CHODL: variants seen among roughly 807,000 people sequenced by gnomAD.
The protein encoded by CHODL is chondrolectin.
Under a neutral mutation model 34.5 loss-of-function variants are expected in CHODL, and 29 were observed. That is an observed-to-expected ratio of 0.84 (90% CI 0.63 to 1.15). CHODL has a LOEUF of 1.15. Among genes scored for constraint, CHODL ranks in the 50% most tolerant of loss-of-function variants. CHODL has a pLI of 0.00. For missense variants in CHODL, 332 were observed against 332.5 expected, an observed-to-expected ratio of 1.00 and a Z score of 0.01; for synonymous variants, 125 against 116.1, an observed-to-expected ratio of 1.08 and a Z score of -0.49.
intron 2 of CHODL, among the ~76,000 whole-genome samples, chr21:18,110,594 C>G (rs1176137072): frequency 1.4e-5 from 2 of 145,278 alleles, no homozygotes; most frequent in East Asian, 4.3e-4. Flanking sequence ...CTGATGTCTG[C>G]CAGGCACCAT....
intron 2 of CHODL, among the ~76,000 whole-genome samples, chr21:18,139,465 C>T (rs1350310126): frequency 5.8e-5 from 8 of 138,694 alleles, no homozygotes; most frequent in Non-Finnish European, 8.8e-5. Flanking sequence ...TATTGAAATT[C>T]GAGGCATGAA....
intron 2 of CHODL, among the ~76,000 whole-genome samples, chr21:18,152,509 AT>A (rs2072982463): frequency 6.6e-6 from 1 of 152,166 alleles, no homozygotes. Flanking sequence ...AGTTGTTGGA[AT>A]AATTTTTTCT....
At chr21:17,941,038 AG>A (rs2063358816) in intron 1 of CHODL, among the ~76,000 whole-genome samples, 1 of 152,210 alleles carries the variant, frequency 6.6e-6, no homozygotes. Context: ...ATGCCTCAGT[AG>A]GAGTCTGGTA....
At chr21:18,030,660 T>C (rs1450474545) in intron 2 of CHODL, among the ~76,000 whole-genome samples, 1 of 152,138 alleles carries the variant, frequency 6.6e-6, no homozygotes, top group East Asian at 1.9e-4. Context: ...AAATTGTTAC[T>C]AGGAATAGAA....
chr21:18,096,914 C>A (rs1568884431), intron 2 of CHODL, among the ~76,000 whole-genome samples: 1 of 152,062 alleles, frequency 6.6e-6, no homozygotes, highest in South Asian at 2.1e-4. Context: ...CCCTCGGAGG[C>A]CCAGCTATAA....
At chr21:18,216,411 A>G (rs1240935655) in intron 2 of CHODL, among the ~76,000 whole-genome samples, 2 of 152,168 alleles carry the variant, frequency 1.3e-5, no homozygotes, top group Admixed American at 1.3e-4. Context: ...GTACCCATTA[A>G]CAAGCCTCTC....
intron 2 of CHODL, among the ~76,000 whole-genome samples, chr21:18,107,754 A>G (rs1174143912): frequency 2.6e-5 from 4 of 152,202 alleles, no homozygotes; most frequent in African/African-American, 9.7e-5. Context: ...CAGTAGCTAC[A>G]TTGCTTCCTG....
chr21:18,235,428 C>G (rs896210639), intron 2 of CHODL, among the ~76,000 whole-genome samples: 2 of 151,934 alleles, frequency 1.3e-5, no homozygotes, highest in Admixed American at 6.6e-5. Context: ...TTAGACAAAA[C>G]AATGTGTTGA....
chr21:17,938,709 A>ACCT (rs2063339445), intron 1 of CHODL, among the ~76,000 whole-genome samples: 1 of 151,822 alleles, frequency 6.6e-6, no homozygotes, highest in African/African-American at 2.4e-5. Context: ...CGATCTCCTG[A>ACCT]CCTCGTGATC....
At chr21:18,013,635 C>CTTTTTGTTTTTTTTTTTTTTTT (rs2064040926) in intron 1 of CHODL, among the ~76,000 whole-genome samples, 1 of 71,894 alleles carries the variant, frequency 1.4e-5, no homozygotes, top group Non-Finnish European at 2.5e-5. Context: ...GCTGCTGCTG[C>CTTTTTGTTTTTTTTTTTTTTTT]TTTTTTTTTT....
intron 2 of CHODL, among the ~76,000 whole-genome samples, chr21:18,188,841 C>T (rs142013608): frequency 1.5e-4 from 23 of 152,240 alleles, no homozygotes; most frequent in African/African-American, 4.8e-4. Context: ...CCGTAGTAAA[C>T]GATGTGCGTG....
At chr21:18,186,715 TAG>T (rs2073445347) in intron 2 of CHODL, among the ~76,000 whole-genome samples, 1 of 152,210 alleles carries the variant, frequency 6.6e-6, no homozygotes, top group Non-Finnish European at 1.5e-5. Context: ...TCATTTTGCT[TAG>T]AGTCATATTA....
Position 18,084,960 on chromosome 21 carries a change from T to TGTGTGTGTGA in CHODL, c.-45+56990_-45+56991insTGTGTGTGAG, listed in dbSNP as rs1479394907. 5.3e-5 allele frequency among the ~76,000 whole-genome samples: 8 copies of TGTGTGTGTGA among 150,828 alleles called. No individual in the cohort carries two copies. The East Asian group carries it at 1.4e-3, about 26-fold the overall frequency. The stretch of plus-strand genomic sequence containing the variant: ...GTGTGTGTGTGTGTGTGTGTGTGTG[T>TGTGTGTGTGA]GAATCTGAGTGCTCCAATGTTGGGT... On this transcript the variant is annotated intron_variant, in intron 2 of 6. Transcript: ENST00000400127.
At chr21:18,092,909 GT>G (rs2065091241) in intron 2 of CHODL, among the ~76,000 whole-genome samples, 1 of 152,154 alleles carries the variant, frequency 6.6e-6, no homozygotes, top group Non-Finnish European at 1.5e-5. Context: ...AAGAGATGGG[GT>G]GGGAAATTTA....
In CHODL at chr21:18,020,386, T is replaced by C. The variant is rs534960495; in HGVS notation, c.-144-7486T>C. Among the ~76,000 whole-genome samples, 28 of 152,288 alleles carry C rather than the reference T, an allele frequency of 1.8e-4. No homozygotes were observed. The South Asian group carries it at 4.8e-3, about 26-fold the overall frequency. On this transcript the variant is annotated intron_variant, in intron 1 of 6. Coordinates refer to the CHODL transcript ENST00000400127. ...AAAGCTGCAAGCACATGTCAAATTA[T>C]TTGTTTTGAAGTCATTTCAAATTGC...
intron 2 of CHODL, among the ~76,000 whole-genome samples, chr21:18,166,061 A>G (rs1447172407): frequency 6.6e-6 from 1 of 152,188 alleles, no homozygotes; most frequent in Non-Finnish European, 1.5e-5. Context: ...GCTGGAATTA[A>G]GCTGTCAGCC....
chr21:17,986,338 T>G (rs2063753440), intron 1 of CHODL, among the ~76,000 whole-genome samples: 1 of 150,822 alleles, frequency 6.6e-6, no homozygotes. Flanking sequence ...TGACAGGCCC[T>G]GGTGTGTGAT....
At chr21:17,974,176 A>T (rs911972719) in intron 1 of CHODL, among the ~76,000 whole-genome samples, 1 of 152,226 alleles carries the variant, frequency 6.6e-6, no homozygotes, top group African/African-American at 2.4e-5. Context: ...AGATATGATG[A>T]ACCAAAATGA....
chr21:18,234,101 C>A (rs2074006962), intron 2 of CHODL, among the ~76,000 whole-genome samples: 1 of 152,066 alleles, frequency 6.6e-6, no homozygotes, highest in Admixed American at 6.6e-5. Flanking sequence ...TAAAACAAAT[C>A]ATACCTTATT....
Sources: gnomAD v4.1 joint callset for allele counts (sites outside exome capture counted in the v4.1 genomes callset) on GRCh38, gnomAD v4.1.1 for gene constraint, MANE v1.5 for transcripts, NCBI Gene and HGNC (gene_info 2026-07-23, HGNC 2026-07-21) for gene names.